The following FRMPD4 variants were observed in gnomAD, a reference collection of about 807,000 sequenced individuals.
FRMPD4 encodes the protein FERM and PDZ domain containing 4, also known as FERM and PDZ domain-containing protein 4.
A neutral mutation model predicts 94.1 loss-of-function variants in FRMPD4; 22 were observed. The observed-to-expected ratio is 0.23, with a 90% CI of 0.17 to 0.33. FRMPD4 has a LOEUF of 0.33. Among genes scored for constraint, FRMPD4 ranks in the 10% least tolerant of loss-of-function variants. The probability of loss-of-function intolerance (pLI) is 1.00; values close to 1 mark genes in which losing one functional copy is unlikely to be tolerated. For missense variants in FRMPD4, 1,111 were observed against 1,339.9 expected, an observed-to-expected ratio of 0.83 and a Z score of 2.67; for synonymous variants, 631 against 548.6, an observed-to-expected ratio of 1.15 and a Z score of -2.10.
intron 1 of FRMPD4, among the ~76,000 whole-genome samples, chrX:12,146,911 T>A (rs774423466): frequency 4.5e-5 from 5 of 112,195 alleles, no homozygotes; most frequent in African/African-American, 6.5e-5. Flanking sequence ...TTCCTGCACA[T>A]CAGTGTTCAG....
intron 4 of FRMPD4, among the ~76,000 whole-genome samples, chrX:12,617,120 A>C (rs907781581): frequency 8.9e-6 from 1 of 112,473 alleles, no homozygotes; most frequent in Non-Finnish European, 1.9e-5. Flanking sequence ...AGAACTTTAC[A>C]TATAACAAAA....
chrX:12,506,753 A>G (rs2057989660), intron 2 of FRMPD4, among the ~76,000 whole-genome samples: 1 of 112,752 alleles, frequency 8.9e-6, no homozygotes, highest in Non-Finnish European at 1.9e-5. Flanking sequence ...TTAGACATGC[A>G]TATGTCTTTC....
chrX:12,200,011 G>A (rs2056613766), intron 1 of FRMPD4, among the ~76,000 whole-genome samples: 1 of 110,993 alleles, frequency 9.0e-6, no homozygotes, highest in Non-Finnish European at 1.9e-5. Context: ...TCTAGTACAG[G>A]ATCTGCAAAA....
chrX:12,717,591 T>C lies in FRMPD4; in HGVS notation c.2765T>C (p.Leu922Pro). ...TCTGAAATGACTGAGAGTTCTGAAC[T>C]GGCCACAGCACAAAAACAGTCAGAA... is the stretch of plus-strand genomic sequence containing the variant. ...NSSEMTESSELATAQKQSENL... is the reference protein window; with the variant it reads ...NSSEMTESSEPATAQKQSENL... The change falls in exon 16 of 17, where the codon CTG (leucine) becomes CCG (proline). Residue 922 changes from leucine to proline, a missense_variant. Leu to Pro is a moderately conservative substitution (Grantham distance 98). Transcript: ENST00000675598. 1 of 1,201,007 alleles carries C rather than the reference T, an allele frequency of 8.3e-7. No individual in the cohort carries two copies. The highest frequency in any genetic ancestry group is 1.1e-6 in the Non-Finnish European group (1 of 885,650).
intron 1 of FRMPD4, among the ~76,000 whole-genome samples, chrX:12,323,841 A>G (rs904360537): frequency 2.7e-5 from 3 of 111,304 alleles, no homozygotes; most frequent in African/African-American, 9.8e-5. Context: ...ATCTGAGTAT[A>G]ATCCCTCTTA....
chrX:12,194,143 T>C (rs769330899), intron 1 of FRMPD4, among the ~76,000 whole-genome samples: 1 of 110,862 alleles, frequency 9.0e-6, no homozygotes, highest in Non-Finnish European at 1.9e-5. Flanking sequence ...CCAATTCTTA[T>C]ATTTTTCCTA....
intron 1 of FRMPD4, among the ~76,000 whole-genome samples, chrX:12,291,291 C>T (rs2054684807): frequency 8.9e-6 from 1 of 111,813 alleles, no homozygotes; most frequent in Non-Finnish European, 1.9e-5. Context: ...TCTAGTTCTT[C>T]ACTTTATCTT....
intron 1 of FRMPD4, among the ~76,000 whole-genome samples, chrX:11,841,207 A>C (rs7057739): frequency 9.8e-4 from 107 of 108,895 alleles, no homozygotes; most frequent in African/African-American, 3.6e-3. Flanking sequence ...CAATAAACAT[A>C]CGTGTGCATG....
At chrX:12,569,257 T>C (rs1441471354) in intron 2 of FRMPD4, among the ~76,000 whole-genome samples, 3 of 112,175 alleles carry the variant, frequency 2.7e-5, no homozygotes, top group Non-Finnish European at 5.6e-5. Context: ...CAACATCTAA[T>C]TTTCAAATTT....
chrX:11,877,356 C>A (rs2053791138), intron 2 of FRMPD4, among the ~76,000 whole-genome samples: 1 of 111,744 alleles, frequency 8.9e-6, no homozygotes, highest in South Asian at 3.8e-4. Context: ...GCTCAGAGCG[C>A]CAAATATCCC....
At chrX:12,132,391 T>A (rs190134723) in intron 3 of FRMPD4, among the ~76,000 whole-genome samples, 175 of 111,577 alleles carry the variant, frequency 1.6e-3, no homozygotes, top group African/African-American at 5.3e-3. Flanking sequence ...TGCCTGTTAG[T>A]CACTAGATGG....
At chrX:12,166,769 T>G (rs754376047) in intron 1 of FRMPD4, among the ~76,000 whole-genome samples, 76 of 111,793 alleles carry the variant, frequency 6.8e-4, no homozygotes, top group African/African-American at 2.4e-3. Flanking sequence ...TTCTTCTTGG[T>G]TTAGCCTTGG....
intron 2 of FRMPD4, among the ~76,000 whole-genome samples, chrX:12,524,654 A>G (rs140395244): frequency 0.012 from 1,283 of 111,505 alleles, 17 homozygotes; most frequent in African/African-American, 0.04. Context: ...CTTTTCTGCT[A>G]CCTGTCGCTC....
intron 1 of FRMPD4, among the ~76,000 whole-genome samples, chrX:12,368,910 T>C (rs2056123481): frequency 9.0e-6 from 1 of 111,469 alleles, no homozygotes; most frequent in African/African-American, 3.3e-5. Context: ...AAACCCATGA[T>C]ATGTAATAAA....
intron 3 of FRMPD4, among the ~76,000 whole-genome samples, chrX:12,096,862 G>A (rs1298093124): frequency 2.7e-5 from 3 of 111,307 alleles, no homozygotes; most frequent in Non-Finnish European, 5.7e-5. Context: ...ACTCCAGCCT[G>A]GGTGACAGAG....
chrX:12,715,033 T>G (rs1007243068), intron 14 of FRMPD4, among the ~76,000 whole-genome samples: 1 of 112,255 alleles, frequency 8.9e-6, no homozygotes, highest in Non-Finnish European at 1.9e-5. Flanking sequence ...GTCTTGCACA[T>G]CTGATGTCAG....
At chrX:12,312,597 G>C (rs1367445487) in intron 1 of FRMPD4, among the ~76,000 whole-genome samples, 1 of 110,998 alleles carries the variant, frequency 9.0e-6, no homozygotes, top group African/African-American at 3.3e-5. Flanking sequence ...GATTTAAGGT[G>C]ATGTTTTTGT....
intron 3 of FRMPD4, among the ~76,000 whole-genome samples, chrX:11,942,784 G>T (rs1448594005): frequency 8.0e-5 from 9 of 111,869 alleles, no homozygotes; most frequent in Non-Finnish European, 1.5e-4. Context: ...TTGTGCGACT[G>T]TCAGCACTAG....
At chrX:12,066,871 G>GTTTTTTTTTTTT (rs201251837) in intron 3 of FRMPD4, among the ~76,000 whole-genome samples, 6 of 100,083 alleles carry the variant, frequency 6.0e-5, no homozygotes, top group Non-Finnish European at 8.1e-5. Context: ...TTTTGTTTTT[G>GTTTTTTTTTTTT]TTTTTGTTTT....
Sources: allele counts gnomAD v4.1 joint callset (sites outside exome capture counted in the v4.1 genomes callset), GRCh38; gene constraint gnomAD v4.1.1; transcripts MANE v1.5; gene names NCBI Gene and HGNC (gene_info 2026-07-23, HGNC 2026-07-21).